C1orf21: variants seen among roughly 807,000 people sequenced by gnomAD.
The protein encoded by C1orf21 is chromosome 1 open reading frame 21.
C1orf21 carries 3 observed loss-of-function variants against 18.7 expected under a neutral mutation model. The ratio of observed to expected loss-of-function variants is 0.16; its 90% CI spans 0.07 to 0.42. The LOEUF (loss-of-function observed/expected upper bound fraction) is 0.42. Among genes scored for constraint, C1orf21 ranks in the 10% least tolerant of loss-of-function variants. The probability of loss-of-function intolerance (pLI) is 0.99; values close to 1 mark genes in which losing one functional copy is unlikely to be tolerated. For synonymous variants in C1orf21, 41 were observed against 46.4 expected, an observed-to-expected ratio of 0.88 and a Z score of 0.47; for missense variants, 104 against 143.6, an observed-to-expected ratio of 0.72 and a Z score of 1.41.
chr1:184,619,746 CA>C lies in C1orf21; in HGVS notation c.*198del, dbSNP rs562859427. ...GCAAAGGAATATTGCTAAAAACAAA[CA>C]AAAAAAACTGTTATCGAACTTTCTT... On this transcript the variant is annotated 3_prime_UTR_variant, in exon 6 of 6. Coordinates refer to ENST00000235307, the MANE Select transcript of C1orf21 (RefSeq NM_030806.4). The C allele has an allele frequency of 1.0e-4, 48 of 471,592 alleles. No homozygotes were observed. The highest frequency in any genetic ancestry group is 7.1e-4 in the African/African-American group (35 of 49,236). 29.2% of individuals were successfully genotyped at this position (471,592 alleles called of 1,614,324 possible).
chr1:184,496,986 A>G (rs559907422), intron 2 of C1orf21, among the ~76,000 whole-genome samples: 1 of 152,354 alleles, frequency 6.6e-6, no homozygotes, highest in Non-Finnish European at 1.5e-5. Context: ...GTGAGGGTCC[A>G]TGAGGACCAC....
At chr1:184,410,961 T>C (rs1656342574) in intron 1 of C1orf21, among the ~76,000 whole-genome samples, 1 of 151,594 alleles carries the variant, frequency 6.6e-6, no homozygotes, top group Non-Finnish European at 1.5e-5. Context: ...CTCGAAAATA[T>C]TTTCTCCCCC....
At chr1:184,528,835 T>C (rs553714193) in intron 3 of C1orf21, among the ~76,000 whole-genome samples, 7 of 152,336 alleles carry the variant, frequency 4.6e-5, no homozygotes, top group African/African-American at 1.7e-4. Flanking sequence ...CTATTTCCTG[T>C]TTTTTGTTAT....
intron 1 of C1orf21, among the ~76,000 whole-genome samples, chr1:184,455,497 G>A (rs1389799452): frequency 6.6e-6 from 1 of 152,142 alleles, no homozygotes; most frequent in African/African-American, 2.4e-5. Flanking sequence ...GAAAGTAGCT[G>A]AGAGACATCC....
intron 2 of C1orf21, among the ~76,000 whole-genome samples, chr1:184,479,562 C>T (rs538552703): frequency 6.6e-6 from 1 of 151,564 alleles, no homozygotes; most frequent in Admixed American, 6.6e-5. Context: ...CTCCAAAGTC[C>T]ACCTTTCTTT....
chr1:184,463,041 C>T (rs933188210), intron 1 of C1orf21, among the ~76,000 whole-genome samples: 2 of 143,896 alleles, frequency 1.4e-5, no homozygotes, highest in East Asian at 2.0e-4. Flanking sequence ...GAGATCATGC[C>T]ATTGCACTCT....
At chr1:184,522,903 G>A (rs1019122763) in intron 3 of C1orf21, among the ~76,000 whole-genome samples, 9 of 152,098 alleles carry the variant, frequency 5.9e-5, no homozygotes, top group Admixed American at 1.3e-4. Context: ...GTCCAGGCTG[G>A]TCTTGAACTC....
chr1:184,587,862 G>T (rs1430978275), intron 3 of C1orf21, among the ~76,000 whole-genome samples: 2 of 152,014 alleles, frequency 1.3e-5, no homozygotes, highest in Admixed American at 6.6e-5. Flanking sequence ...TAATCTGCCT[G>T]CCTCAGCCTC....
At chr1:184,531,639 A>T (rs1189681177) in intron 3 of C1orf21, among the ~76,000 whole-genome samples, 1 of 152,024 alleles carries the variant, frequency 6.6e-6, no homozygotes, top group African/African-American at 2.4e-5. Context: ...TAACTTTCTC[A>T]TTAGGGCCAG....
chr1:184,516,111 C>T (rs1402417865), intron 3 of C1orf21, among the ~76,000 whole-genome samples: 4 of 152,148 alleles, frequency 2.6e-5, no homozygotes, highest in Admixed American at 2.6e-4. Context: ...CCATGCCCAG[C>T]CTACATTGGT....
At chr1:184,607,118 C>T (rs181367016) in intron 5 of C1orf21, among the ~76,000 whole-genome samples, 98 of 152,328 alleles carry the variant, frequency 6.4e-4, no homozygotes, top group Non-Finnish European at 1.6e-4. Flanking sequence ...AGACTCCCCT[C>T]ACTTCAATTC....
At chr1:184,440,401 C>G (rs372041640) in intron 1 of C1orf21, among the ~76,000 whole-genome samples, 1 of 152,060 alleles carries the variant, frequency 6.6e-6, no homozygotes, top group East Asian at 1.9e-4. Flanking sequence ...CGCCCTACAC[C>G]GGCCATTTTG....
At chr1:184,611,806 A>G (rs1033883562) in intron 5 of C1orf21, among the ~76,000 whole-genome samples, 2 of 152,194 alleles carry the variant, frequency 1.3e-5, no homozygotes, top group South Asian at 4.1e-4. Flanking sequence ...AAGGATAACA[A>G]TAAGTCAAGA....
At chr1:184,435,584 C>G (rs1656844820) in intron 1 of C1orf21, among the ~76,000 whole-genome samples, 1 of 152,188 alleles carries the variant, frequency 6.6e-6, no homozygotes. Flanking sequence ...TTCAGGTGAT[C>G]TGCCCACCTT....
intron 3 of C1orf21, among the ~76,000 whole-genome samples, chr1:184,528,118 A>G (rs1658404695): frequency 6.6e-6 from 1 of 152,194 alleles, no homozygotes; most frequent in African/African-American, 2.4e-5. Flanking sequence ...GAAATCTGCT[A>G]AGCAATAGAA....
chr1:184,543,910 A>G (rs559375331), intron 3 of C1orf21, among the ~76,000 whole-genome samples: 1 of 152,302 alleles, frequency 6.6e-6, no homozygotes, highest in Non-Finnish European at 1.5e-5. Flanking sequence ...CTCACCAGGA[A>G]CTAAATCCAG....
chr1:184,461,358 G>A (rs1657305372), intron 1 of C1orf21, among the ~76,000 whole-genome samples: 1 of 152,310 alleles, frequency 6.6e-6, no homozygotes, highest in Non-Finnish European at 1.5e-5. Context: ...CAAATAAGCA[G>A]CCACGCGATG....
chr1:184,426,035 C>G (rs1283739565), intron 1 of C1orf21, among the ~76,000 whole-genome samples: 1 of 152,226 alleles, frequency 6.6e-6, no homozygotes, highest in Non-Finnish European at 1.5e-5. Context: ...AGCAGCTCTG[C>G]CAGTTTCCCT....
intron 1 of C1orf21, among the ~76,000 whole-genome samples, chr1:184,447,759 G>C: frequency 6.6e-6 from 1 of 152,078 alleles, no homozygotes; most frequent in South Asian, 2.1e-4. Context: ...CCACTGTAAA[G>C]CTTCTTACCA....
Sources: allele counts gnomAD v4.1 joint callset (sites outside exome capture counted in the v4.1 genomes callset), GRCh38; gene constraint gnomAD v4.1.1; transcripts MANE v1.5; gene names NCBI Gene and HGNC (gene_info 2026-07-23, HGNC 2026-07-21).